PTPRD: variants seen among roughly 807,000 people sequenced by gnomAD.
PTPRD encodes protein tyrosine phosphatase receptor type D.
A neutral mutation model predicts 214.5 loss-of-function variants in PTPRD; 34 were observed. The ratio of observed to expected loss-of-function variants is 0.16; its 90% CI spans 0.12 to 0.21. PTPRD has a LOEUF of 0.21. Among genes scored for constraint, PTPRD ranks in the 10% least tolerant of loss-of-function variants. PTPRD has a pLI of 1.00. For missense variants in PTPRD, 2,545 were observed against 2,398.7 expected, an observed-to-expected ratio of 1.06 and a Z score of -1.27; for synonymous variants, 1,128 against 845.7, an observed-to-expected ratio of 1.33 and a Z score of -5.79.
chr9:10,450,334 G>C (rs1324489596), intron 2 of PTPRD, among the ~76,000 whole-genome samples: 1 of 151,890 alleles, frequency 6.6e-6, no homozygotes, highest in Admixed American at 6.6e-5. Flanking sequence ...AATGCATCAT[G>C]TATATGCCAT....
chr9:9,355,741 A>G (rs994043327), intron 9 of PTPRD, among the ~76,000 whole-genome samples: 1 of 151,532 alleles, frequency 6.6e-6, no homozygotes, highest in Non-Finnish European at 1.5e-5. Flanking sequence ...ATTGAGTAAA[A>G]ACACAAGGGA....
At chr9:10,370,559 A>T (rs1213081917) in intron 2 of PTPRD, among the ~76,000 whole-genome samples, 1 of 152,094 alleles carries the variant, frequency 6.6e-6, no homozygotes, top group East Asian at 1.9e-4. Flanking sequence ...TTGAAATTGA[A>T]TTAATCAAAT....
At chr9:9,098,816 C>G (rs1375314064) in intron 10 of PTPRD, among the ~76,000 whole-genome samples, 1 of 152,068 alleles carries the variant, frequency 6.6e-6, no homozygotes, top group Non-Finnish European at 1.5e-5. Flanking sequence ...AATTCTATTC[C>G]TAGAGAGACT....
chr9:8,334,251 A>C (rs1203803102), intron 43 of PTPRD, among the ~76,000 whole-genome samples: 2 of 152,132 alleles, frequency 1.3e-5, no homozygotes, highest in Non-Finnish European at 2.9e-5. Context: ...ACCACATTGC[A>C]CTTATTCTAA....
At chr9:10,147,810 G>T (rs1564128026) in intron 3 of PTPRD, among the ~76,000 whole-genome samples, 1 of 152,168 alleles carries the variant, frequency 6.6e-6, no homozygotes, top group Non-Finnish European at 1.5e-5. Flanking sequence ...AACCCGGGAG[G>T]CGGAGGTTGC....
intron 2 of PTPRD, among the ~76,000 whole-genome samples, chr9:10,595,651 A>G (rs1396844483): frequency 6.6e-6 from 1 of 151,384 alleles, no homozygotes; most frequent in African/African-American, 2.4e-5. Context: ...CACAATTATT[A>G]TTATATATTT....
At position 9,083,228 on chromosome 9, in the gene PTPRD, A is replaced by C. The variant is rs547076966; in HGVS notation, c.-142-64493T>G. ...TATATAGAACAATGGAACAGAACCC[A>C]GGCCGCAGAAATAACACCACACATC... On this transcript the variant is annotated intron_variant, in intron 10 of 45. Transcript: ENST00000381196. Among the ~76,000 whole-genome samples, 55 of 152,310 alleles carry C rather than the reference A, an allele frequency of 3.6e-4. 1 individual carries two copies. The South Asian group carries it at 0.011, about 29-fold the overall frequency.
intron 6 of PTPRD, among the ~76,000 whole-genome samples, chr9:9,747,997 G>T (rs2098475572): frequency 1.3e-5 from 2 of 152,156 alleles, no homozygotes; most frequent in African/African-American, 4.8e-5. Context: ...TATGACAGAA[G>T]AATTAGATCA....
chr9:8,825,025 G>A (rs1229610841), intron 11 of PTPRD, among the ~76,000 whole-genome samples: 2 of 152,086 alleles, frequency 1.3e-5, no homozygotes, highest in Non-Finnish European at 2.9e-5. Flanking sequence ...TGGCTTTGAT[G>A]GAACTTTGTT....
chr9:9,411,699 C>T (rs907858310), intron 8 of PTPRD, among the ~76,000 whole-genome samples: 1 of 152,188 alleles, frequency 6.6e-6, no homozygotes, highest in Non-Finnish European at 1.5e-5. Flanking sequence ...CCACCAGAGG[C>T]AAATGGCGAG....
chr9:9,854,126 T>G (rs1185906881), intron 5 of PTPRD, among the ~76,000 whole-genome samples: 1 of 152,178 alleles, frequency 6.6e-6, no homozygotes, highest in Admixed American at 6.5e-5. Context: ...TTGTAACCAT[T>G]GACAGATCTC....
At chr9:8,734,894 C>T (rs1267309964) in intron 11 of PTPRD, among the ~76,000 whole-genome samples, 1 of 152,056 alleles carries the variant, frequency 6.6e-6, no homozygotes, top group Non-Finnish European at 1.5e-5. Flanking sequence ...TGAAGTTTAA[C>T]CAGGATTTTA....
At chr9:8,770,232 G>A (rs1425433369) in intron 11 of PTPRD, among the ~76,000 whole-genome samples, 10 of 151,896 alleles carry the variant, frequency 6.6e-5, no homozygotes, top group Admixed American at 5.3e-4. Context: ...GCAGTGAGCC[G>A]AGATCAAGCC....
chr9:9,579,072 A>G (rs1395244189), intron 7 of PTPRD, among the ~76,000 whole-genome samples: 6 of 152,156 alleles, frequency 3.9e-5, no homozygotes, highest in African/African-American at 1.2e-4. Context: ...CTTAGTCATT[A>G]CATCTCTATA....
chr9:9,370,130 T>G (rs1379870991), intron 9 of PTPRD, among the ~76,000 whole-genome samples: 1 of 152,156 alleles, frequency 6.6e-6, no homozygotes, highest in African/African-American at 2.4e-5. Context: ...TAAAGTAGTT[T>G]TTTCCAATTC....
chr9:10,471,407 G>A (rs992886971), intron 2 of PTPRD, among the ~76,000 whole-genome samples: 1 of 152,054 alleles, frequency 6.6e-6, no homozygotes, highest in Non-Finnish European at 1.5e-5. Flanking sequence ...TGTTTGAAAG[G>A]TTTCATATTT....
intron 5 of PTPRD, among the ~76,000 whole-genome samples, chr9:9,863,851 G>A (rs529605402): frequency 1.0e-3 from 156 of 148,854 alleles, no homozygotes; most frequent in African/African-American, 3.8e-3. Flanking sequence ...AAAAAAAAAA[G>A]CAGTACAAAG....
intron 44 of PTPRD, among the ~76,000 whole-genome samples, chr9:8,326,309 C>T (rs1043470919): frequency 1.3e-5 from 2 of 152,188 alleles, no homozygotes; most frequent in African/African-American, 2.4e-5. Flanking sequence ...AAGGCCTTTT[C>T]TGCATCTATT....
At chr9:10,563,667 C>T (rs1460672804) in intron 2 of PTPRD, among the ~76,000 whole-genome samples, 3 of 109,286 alleles carry the variant, frequency 2.7e-5, no homozygotes, top group Non-Finnish European at 5.8e-5. Context: ...TTGTTATCAT[C>T]GTTATTTTTT....
Sources: allele counts gnomAD v4.1 joint callset (sites outside exome capture counted in the v4.1 genomes callset), GRCh38; gene constraint gnomAD v4.1.1; transcripts MANE v1.5; gene names NCBI Gene and HGNC (gene_info 2026-07-23, HGNC 2026-07-21).